IGSF3: variants seen among roughly 807,000 people sequenced by gnomAD.
IGSF3 encodes the protein glu-Trp-Ile EWI motif-containing protein 3.
In IGSF3, 23 loss-of-function variants were observed where a neutral mutation model predicts 114.4. The observed-to-expected ratio is 0.20, with a 90% CI of 0.14 to 0.28. IGSF3 has a LOEUF of 0.28. Ranked by LOEUF, IGSF3 falls within the 10% of genes least tolerant of loss-of-function variation. The pLI is 1.00. For synonymous variants in IGSF3, 571 were observed against 645.2 expected, an observed-to-expected ratio of 0.88 and a Z score of 1.74; for missense variants, 1,172 against 1,591.5, an observed-to-expected ratio of 0.74 and a Z score of 4.48.
intron 8 of IGSF3, among the ~76,000 whole-genome samples, chr1:116,586,539 C>T (rs146094495): frequency 2.6e-5 from 4 of 152,286 alleles, no homozygotes; most frequent in African/African-American, 9.6e-5. Context: ...TCGGTGTCCT[C>T]TGAGTTCCAT....
chr1:116,587,956 A>C (rs1280252141), intron 8 of IGSF3, among the ~76,000 whole-genome samples: 1 of 152,224 alleles, frequency 6.6e-6, no homozygotes, highest in Non-Finnish European at 1.5e-5. Flanking sequence ...AGAGATCTTT[A>C]ACAGAGAAGG....
rs1557888118 is a variant in IGSF3, at chr1:116,657,936, G to T, written c.43+8348C>A. 6.6e-6 allele frequency among the ~76,000 whole-genome samples: 1 copy of T among 151,676 alleles called. No individual in the cohort carries two copies. The highest frequency in any genetic ancestry group is 2.4e-5 in the African/African-American group (1 of 41,268). On this transcript the variant is annotated intron_variant, in intron 2 of 10. Transcript: ENST00000369486. The surrounding 1 kb of genome is among the most constrained non-coding windows in gnomAD (Gnocchi z 4.2). ...TTTTTTCTGTTTTAATAAAGAGAAG[G>T]CCTGGACACCTGAAAGTTGACGGGA...
In IGSF3 at chr1:116,655,535, C is replaced by T. The variant is rs924217980; in HGVS notation, c.43+10749G>A. 4.0e-4 allele frequency among the ~76,000 whole-genome samples: 61 copies of T among 152,166 alleles called. No individual in the cohort carries two copies. The highest frequency in any genetic ancestry group is 5.9e-5 in the Non-Finnish European group (4 of 68,028). On this transcript the variant is annotated intron_variant, in intron 2 of 10. Coordinates refer to ENST00000369486, the MANE Select transcript of IGSF3 (RefSeq NM_001007237.3). This position sits in a 1 kb window ranked among gnomAD's most constrained non-coding sequence, Gnocchi z 4.3. ...AATCTTTTTACAGCAATAACTGTTG[C>T]TGCAGGGGTTGAGAAAAAAAAGTTC...
At chr1:116,660,940 C>G (rs1229170073) in intron 2 of IGSF3, among the ~76,000 whole-genome samples, 2 of 152,210 alleles carry the variant, frequency 1.3e-5, no homozygotes, top group African/African-American at 4.8e-5. Context: ...ATTTCCTTAT[C>G]TTGATCAAGG....
Position 116,613,984 on chromosome 1 carries a change from G to A in IGSF3, c.613C>T (p.His205Tyr). 1 of 1,614,032 alleles carries A rather than the reference G, an allele frequency of 6.2e-7. No homozygotes were observed. The change falls in exon 4 of 11, where the codon CAC becomes TAC. Residue 205 changes from histidine to tyrosine, a missense_variant. Around this residue, in one of 3 missense-constraint regions of IGSF3, gnomAD observed 736 missense variants for 1,042.0 expected, o/e 0.71. Transcript: ENST00000369486. ...CTCTGGGCATATTCGCTGCTGGAGT[G>A]AAGCATGAAATCTCGGCTCAGGGAG... ...VISLSRDFMLHSSSEYAQRQS... is the reference protein window; with the variant it reads ...VISLSRDFMLYSSSEYAQRQS...
chr1:116,586,516 A>T (rs1008163045), intron 8 of IGSF3, among the ~76,000 whole-genome samples: 4 of 152,184 alleles, frequency 2.6e-5, no homozygotes, highest in Non-Finnish European at 5.9e-5. Flanking sequence ...AGAAACGAGG[A>T]AAGCTGTTTT....
At position 116,614,235 on chromosome 1, in the gene IGSF3, G is replaced by A. The variant is rs1661133882; in HGVS notation, c.422-60C>T. 1 of 1,427,568 alleles carries A rather than the reference G, an allele frequency of 7.0e-7. No homozygotes were observed. Among genetic ancestry groups the A allele is most frequent in the East Asian group, 2.3e-5 (1 of 43,636 alleles). 88.4% of individuals were successfully genotyped at this position (1,427,568 alleles called of 1,614,324 possible). On this transcript the variant is annotated intron_variant, in intron 3 of 10. Transcript: ENST00000369486. The surrounding 1 kb of genome is among the most constrained non-coding windows in gnomAD (Gnocchi z 4.5). Reference sequence around the variant, plus strand: ...AAAGCCACAGAATCTGAGACTCCCAGGGCTAAGCTCCCATTCCACGCAGGC... The same window carrying A: ...AAAGCCACAGAATCTGAGACTCCCAAGGCTAAGCTCCCATTCCACGCAGGC...
chr1:116,609,133 T>C (rs906053315), intron 4 of IGSF3, among the ~76,000 whole-genome samples: 7 of 151,972 alleles, frequency 4.6e-5, no homozygotes, highest in African/African-American at 1.7e-4. Flanking sequence ...GAGTAAGTAC[T>C]TAGTAGGTAC....
chr1:116,652,321 C>A (rs1648664117), intron 2 of IGSF3, among the ~76,000 whole-genome samples: 1 of 152,130 alleles, frequency 6.6e-6, no homozygotes, highest in African/African-American at 2.4e-5. Flanking sequence ...AAGCAGTATC[C>A]CCTAAGGATC....
At position 116,595,474 on chromosome 1, in the gene IGSF3, A is replaced by G. The variant is rs1660305057; in HGVS notation, c.2029+4467T>C. ...GCCAGTGTTCACATGCTCTGGACTC[A>G]TGGAAGTCAAAGAAAAGCCCTCTGC... On this transcript the variant is annotated intron_variant, in intron 7 of 10. Transcript: ENST00000369486. The surrounding 1 kb of genome is among the most constrained non-coding windows in gnomAD (Gnocchi z 4.2). Among the ~76,000 whole-genome samples the G allele has an allele frequency of 6.6e-6, 1 of 152,220 alleles. No individual in the cohort carries two copies. The highest frequency in any genetic ancestry group is 1.5e-5 in the Non-Finnish European group (1 of 68,034).
Position 116,610,341 on chromosome 1 carries a change from G to A in IGSF3, c.833-2010C>T, listed in dbSNP as rs926125482. Among the ~76,000 whole-genome samples the A allele has an allele frequency of 3.9e-5, 6 of 152,086 alleles. No individual in the cohort carries two copies. Among genetic ancestry groups the A allele is most frequent in the Non-Finnish European group, 5.9e-5 (4 of 68,024 alleles). On this transcript the variant is annotated intron_variant, in intron 4 of 10. Coordinates refer to ENST00000369486, the MANE Select transcript of IGSF3 (RefSeq NM_001007237.3). The surrounding 1 kb of genome is among the most constrained non-coding windows in gnomAD (Gnocchi z 4.3). ...GTAACTCTGGCTTTCTTCTTTCGGC[G>A]GCCAAAGACTCTTCTCATCTCAAGG...
chr1:116,613,459 G>T (rs1421542809), intron 4 of IGSF3, among the ~76,000 whole-genome samples: 1 of 152,142 alleles, frequency 6.6e-6, no homozygotes, highest in Non-Finnish European at 1.5e-5. Flanking sequence ...TGGTTTCTCA[G>T]AAATCTCCCA....
rs4044729 is a variant in IGSF3 at position 116,649,289 on chromosome 1, G to A, written c.43+16995C>T. The stretch of plus-strand genomic sequence containing the variant: ...TTCCTCTCCCACTTCATTGACTAAC[G>A]CTAGTCACATGGCCCCAACTGAACT... On this transcript the variant is annotated intron_variant, in intron 2 of 10. Coordinates refer to ENST00000369486, the MANE Select transcript of IGSF3 (RefSeq NM_001007237.3). The surrounding 1 kb of genome is among the most constrained non-coding windows in gnomAD (Gnocchi z 4.5). 3.3e-5 allele frequency among the ~76,000 whole-genome samples: 5 copies of A among 152,306 alleles called. No homozygotes were observed. The highest frequency in any genetic ancestry group is 6.5e-5 in the Admixed American group (1 of 15,300).
chr1:116,658,170 TAGCC>T (rs1396162661), intron 2 of IGSF3, among the ~76,000 whole-genome samples: 1 of 152,110 alleles, frequency 6.6e-6, no homozygotes, highest in African/African-American at 2.4e-5. Flanking sequence ...GCCTCCCAAG[TAGCC>T]AGGATTACAG....
rs138038537 is a variant in IGSF3 at position 116,663,718 on chromosome 1, G to A, written c.43+2566C>T. Among the ~76,000 whole-genome samples, 165 of 152,196 alleles carry A rather than the reference G, an allele frequency of 1.1e-3. 1 individual carries two copies. The highest frequency in any genetic ancestry group is 3.7e-3 in the African/African-American group (154 of 41,510). On this transcript the variant is annotated intron_variant, in intron 2 of 10. Coordinates refer to ENST00000369486, the MANE Select transcript of IGSF3 (RefSeq NM_001007237.3). ...CAGAAAAGCACAGGTCTGTCATGTT[G>A]AGGGAGATGAAAGCGTCTCCGAGAT...
At chr1:116,601,602 T>C (rs1419942335) in intron 6 of IGSF3, among the ~76,000 whole-genome samples, 6 of 152,238 alleles carry the variant, frequency 3.9e-5, no homozygotes, top group Admixed American at 1.3e-4. Flanking sequence ...AACTCTGTAA[T>C]GTGAAAGACT....
At chr1:116,591,211 T>C (rs1419139484) in intron 7 of IGSF3, among the ~76,000 whole-genome samples, 1 of 152,192 alleles carries the variant, frequency 6.6e-6, no homozygotes, top group Non-Finnish European at 1.5e-5. Flanking sequence ...CCAGTCGACT[T>C]TTCAGATTGG....
At chr1:116,635,871 T>C (rs886439864) in intron 2 of IGSF3, among the ~76,000 whole-genome samples, 7 of 152,254 alleles carry the variant, frequency 4.6e-5, no homozygotes, top group Non-Finnish European at 1.0e-4. Flanking sequence ...TCATCTCTGC[T>C]AGGGAACCTT....
At chr1:116,646,263 C>T (rs1473931165) in intron 2 of IGSF3, among the ~76,000 whole-genome samples, 2 of 152,124 alleles carry the variant, frequency 1.3e-5, no homozygotes, top group Non-Finnish European at 2.9e-5. Flanking sequence ...TTCCCACAGG[C>T]GAAACAGACA....
Sources: allele counts gnomAD v4.1 joint callset (sites outside exome capture counted in the v4.1 genomes callset), GRCh38; gene constraint gnomAD v4.1.1; regional missense constraint gnomAD v4.1.1; non-coding constraint Gnocchi (gnomAD v3.1); transcripts MANE v1.5; gene names NCBI Gene and HGNC (gene_info 2026-07-23, HGNC 2026-07-21).